KCNN3: variants seen among roughly 807,000 people sequenced by gnomAD.
KCNN3 encodes the protein potassium calcium-activated channel subfamily N member 3.
A neutral mutation model predicts 62.9 loss-of-function variants in KCNN3; 16 were observed. That is an observed-to-expected ratio of 0.25 (90% CI 0.17 to 0.39). The LOEUF is 0.39. Ranked by LOEUF, KCNN3 falls within the 10% of genes least tolerant of loss-of-function variation. The pLI, the probability that KCNN3 is intolerant of heterozygous loss-of-function variation, is 1.00. For missense variants in KCNN3, 599 were observed against 949.4 expected (o/e 0.63, Z 4.85); for synonymous variants, 370 against 389.2 (o/e 0.95, Z 0.58).
intron 3 of KCNN3, among the ~76,000 whole-genome samples, chr1:154,766,811 C>T (rs1370159757): frequency 6.7e-6 from 1 of 150,250 alleles, no homozygotes; most frequent in Non-Finnish European, 1.5e-5. Context: ...TCCCGAGTAG[C>T]TGGGACTACA....
chr1:154,811,847 C>A (rs1423834918), intron 2 of KCNN3, among the ~76,000 whole-genome samples: 2 of 152,172 alleles, frequency 1.3e-5, no homozygotes, highest in Non-Finnish European at 2.9e-5. Flanking sequence ...TTCAACAGTG[C>A]CTTCCAACTT....
intron 2 of KCNN3, among the ~76,000 whole-genome samples, chr1:154,820,611 T>C (rs2101893124): frequency 6.6e-6 from 1 of 152,312 alleles, no homozygotes; most frequent in African/African-American, 2.4e-5. Context: ...CTCGATTCCG[T>C]GGCCCTAGTC....
intron 6 of KCNN3, 138 bp downstream of exon 6, chr1:154,714,738 T>G: frequency 1.7e-6 from 2 of 1,185,680 alleles, no homozygotes; most frequent in Non-Finnish European, 2.5e-6. Context: ...GTGCAGTCAG[T>G]GAGTGATCAG....
rs150395092 is a variant in KCNN3, at chr1:154,732,445, T to C, written c.1590+558A>G. Among the ~76,000 whole-genome samples, 846 of 152,170 alleles carry C rather than the reference T, an allele frequency of 5.6e-3. 9 individuals carry two copies. The highest frequency in any genetic ancestry group is 0.019 in the African/African-American group (809 of 41,508). ...TGGCACTCAGAGCCCAGCCCCTCCA[T>C]AGGCAGAGGTGGAAGCAGAAGCCTG... On this transcript the variant is annotated intron_variant, in intron 4 of 7. Coordinates refer to ENST00000271915, the MANE Select transcript of KCNN3 (RefSeq NM_002249.6).
At chr1:154,774,646 G>A (rs1028991258) in intron 2 of KCNN3, among the ~76,000 whole-genome samples, 18 of 152,214 alleles carry the variant, frequency 1.2e-4, no homozygotes, top group Admixed American at 1.2e-3. Flanking sequence ...AGCAGATCTG[G>A]CTGTTGCCTG....
At chr1:154,865,036 A>G (rs922968426) in intron 1 of KCNN3, among the ~76,000 whole-genome samples, 8 of 152,110 alleles carry the variant, frequency 5.3e-5, no homozygotes, top group Admixed American at 4.6e-4. Flanking sequence ...GTACCAGCTC[A>G]GCCACCAACA....
At chr1:154,801,866 G>A (rs983549825) in intron 2 of KCNN3, among the ~76,000 whole-genome samples, 6 of 152,152 alleles carry the variant, frequency 3.9e-5, no homozygotes, top group South Asian at 2.1e-4. Context: ...GCACCAAGTC[G>A]GGGCGCGCCA....
intron 1 of KCNN3, among the ~76,000 whole-genome samples, chr1:154,823,693 G>A: frequency 6.6e-6 from 1 of 152,200 alleles, no homozygotes; most frequent in African/African-American, 2.4e-5. Flanking sequence ...GGTAGAGTAT[G>A]ATCAATTGCC....
In KCNN3 at chr1:154,730,719, C is replaced by T. The variant is rs112067235; in HGVS notation, c.1590+2284G>A. 2.5e-3 allele frequency among the ~76,000 whole-genome samples: 381 copies of T among 152,212 alleles called. 3 individuals are homozygous for T. The highest frequency in any genetic ancestry group is 8.6e-3 in the African/African-American group (356 of 41,522). On this transcript the variant is annotated intron_variant, in intron 4 of 7. Coordinates refer to ENST00000271915, the MANE Select transcript of KCNN3 (RefSeq NM_002249.6). ...GTATATTTATGCACAGGGTTTTGTA[C>T]AAAAAGAGATGAAAGGCCTGGGCTG...
chr1:154,714,542 G>GT (rs1700184189), intron 6 of KCNN3, among the ~76,000 whole-genome samples: 1 of 65,010 alleles, frequency 1.5e-5, no homozygotes, highest in Admixed American at 1.9e-4. Context: ...GGTGTGTGTG[G>GT]GGTGTGTGTG....
At chr1:154,781,706 G>A (rs1349807645) in intron 2 of KCNN3, among the ~76,000 whole-genome samples, 2 of 152,158 alleles carry the variant, frequency 1.3e-5, no homozygotes, top group Non-Finnish European at 2.9e-5. Context: ...GCACAGGCAG[G>A]GAGCTTTGCC....
chr1:154,783,516 G>T (rs1197452547), intron 2 of KCNN3, among the ~76,000 whole-genome samples: 1 of 152,020 alleles, frequency 6.6e-6, no homozygotes, highest in Non-Finnish European at 1.5e-5. Context: ...GGGGTCCCTA[G>T]CGAGGAAGAG....
intron 5 of KCNN3, among the ~76,000 whole-genome samples, chr1:154,718,411 A>C (rs570276383): frequency 2.6e-5 from 4 of 152,254 alleles, no homozygotes. Flanking sequence ...GACAGCTAAC[A>C]TATACTGAGT....
intron 1 of KCNN3, among the ~76,000 whole-genome samples, chr1:154,822,750 G>T (rs997276310): frequency 1.7e-4 from 26 of 152,234 alleles, no homozygotes; most frequent in African/African-American, 6.0e-4. Flanking sequence ...GGAGCTACTG[G>T]AGAGAGAAGC....
chr1:154,731,587 G>C (rs117490567), intron 4 of KCNN3, among the ~76,000 whole-genome samples: 1 of 152,360 alleles, frequency 6.6e-6, no homozygotes, highest in East Asian at 1.9e-4. Flanking sequence ...GACCCTGCAG[G>C]AAGACCTGCG....
At chr1:154,725,890 T>C in intron 5 of KCNN3, 26 bp downstream of exon 5, 2 of 1,575,890 alleles carry the variant, frequency 1.3e-6, no homozygotes, top group Non-Finnish European at 1.7e-6. Flanking sequence ...AAGTCCCCCA[T>C]AAGACATGGC....
At chr1:154,824,808 G>T (rs1651039769) in intron 1 of KCNN3, among the ~76,000 whole-genome samples, 2 of 152,094 alleles carry the variant, frequency 1.3e-5, no homozygotes, top group South Asian at 4.1e-4. Context: ...TCTTCCTTTT[G>T]TCCTAAAGCT....
rs1381978018 is a variant in KCNN3 at position 154,702,267 on chromosome 1, A to C, written c.*5709T>G. On this transcript the variant is annotated 3_prime_UTR_variant, in exon 8 of 8. Coordinates refer to ENST00000271915, the MANE Select transcript of KCNN3 (RefSeq NM_002249.6). ...GAGCAGGCTGACAGTGGACCTGCTAAACACTAGTTTGATACAAAATGTTAA... is the reference window on the plus strand; with the variant it reads ...GAGCAGGCTGACAGTGGACCTGCTACACACTAGTTTGATACAAAATGTTAA... 8 of 152,122 alleles carry C rather than the reference A, an allele frequency of 5.3e-5. No homozygotes were observed. Among genetic ancestry groups the C allele is most frequent in the Admixed American group, 5.2e-4 (8 of 15,254 alleles). The allele number at this position is 152,122 out of a possible 1,614,324, so 9.4% of individuals were successfully genotyped here. A position where few individuals can be genotyped will look rare whatever the true frequency, so the allele number is the denominator to read the frequency against.
At position 154,772,910 on chromosome 1, in the gene KCNN3, G is replaced by A. The variant is rs926355451; in HGVS notation, c.1030-517C>T. 6.6e-6 allele frequency among the ~76,000 whole-genome samples: 1 copy of A among 152,112 alleles called. No individual in the cohort carries two copies. The highest frequency in any genetic ancestry group is 1.5e-5 in the Non-Finnish European group (1 of 68,028). On this transcript the variant is annotated intron_variant, in intron 2 of 7. Coordinates refer to ENST00000271915, the MANE Select transcript of KCNN3 (RefSeq NM_002249.6). This position sits in a 1 kb window ranked among gnomAD's most constrained non-coding sequence, Gnocchi z 5.6. ...CACCACCTCCTGAGAAGGAAGAGGG[G>A]CCCGAAGGTTGAGTTGATCACCAAT...
Sources: gnomAD v4.1 joint callset for allele counts (sites outside exome capture counted in the v4.1 genomes callset) on GRCh38, gnomAD v4.1.1 for gene constraint, Gnocchi (gnomAD v3.1) non-coding constraint, MANE v1.5 for transcripts, NCBI Gene and HGNC (gene_info 2026-07-23, HGNC 2026-07-21) for gene names.